The following IPO9 variants were observed in gnomAD, a reference collection of about 807,000 sequenced individuals.
The protein encoded by IPO9 is importin-9.
In IPO9, 28 loss-of-function variants were observed where a neutral mutation model predicts 128.6. That is an observed-to-expected ratio of 0.22 (90% confidence interval 0.16 to 0.30). IPO9 has a LOEUF of 0.30. Among genes scored for constraint, IPO9 ranks in the 10% least tolerant of loss-of-function variants. The pLI is 1.00. For missense variants in IPO9, 935 were observed against 1,293.9 expected (o/e 0.72, Z 4.26); for synonymous variants, 455 against 475.8 (o/e 0.96, Z 0.57).
At chr1:201,858,057 G>A (rs576662588) in intron 11 of IPO9, among the ~76,000 whole-genome samples, 2 of 152,290 alleles carry the variant, frequency 1.3e-5, no homozygotes, top group African/African-American at 4.8e-5. Flanking sequence ...TTATCATTTA[G>A]TATTTCTAAG....
rs1470302978 is a variant in IPO9 at position 201,858,886 on chromosome 1, C to T, written c.1360C>T (p.Leu454=). Reference sequence around the variant, plus strand: ...GATCCATGAGGCATGCATGCTTGCCCTAGGCTCAGTGAAGGCCATCATCAC... The same window carrying T: ...GATCCATGAGGCATGCATGCTTGCCTTAGGCTCAGTGAAGGCCATCATCAC... ...WKIHEACMLA[L]GSVKAIITDS... is the part of the protein sequence containing the mutation. The change falls in exon 13 of 24, where the codon CTA becomes TTA. Residue 454 remains leucine, a synonymous_variant. Coordinates refer to ENST00000361565, the MANE Select transcript of IPO9 (RefSeq NM_018085.5). 2.5e-6 allele frequency: 4 copies of T among 1,610,328 alleles called. No homozygotes were observed. Among genetic ancestry groups the T allele is most frequent in the Non-Finnish European group, 1.7e-6 (2 of 1,177,224 alleles).
At chr1:201,853,205 T>C in intron 6 of IPO9, 108 bp downstream of exon 6, 1 of 818,300 alleles carries the variant, frequency 1.2e-6, no homozygotes, top group Admixed American at 2.0e-5. Context: ...CTAACCAGTA[T>C]TAGAGATAGA....
chr1:201,857,087 T>A lies in IPO9; in HGVS notation c.1123-9T>A. ...GCAGCATCACAAAGACATAACTTGA[T>A]CTTTTCAGATTAAAGTATGGACAGC... On this transcript the variant is annotated splice_polypyrimidine_tract_variant and intron_variant, in intron 10 of 23. Coordinates refer to ENST00000361565, the MANE Select transcript of IPO9 (RefSeq NM_018085.5). 1 of 1,532,406 alleles carries A rather than the reference T, an allele frequency of 6.5e-7. No individual in the cohort carries two copies. The highest frequency in any genetic ancestry group is 9.0e-7 in the Non-Finnish European group (1 of 1,105,476). 94.9% of individuals were successfully genotyped at this position (1,532,406 alleles called of 1,614,324 possible).
intron 1 of IPO9, among the ~76,000 whole-genome samples, chr1:201,831,889 TTG>T (rs1679840179): frequency 1.6e-5 from 2 of 124,436 alleles, no homozygotes; most frequent in African/African-American, 7.1e-5. Context: ...TTTGCTTTTG[TTG>T]TTGTTGTTGT....
Position 201,882,624 on chromosome 1 carries a change from T to C in IPO9, c.*6570T>C, listed in dbSNP as rs1680910246. On this transcript the variant is annotated 3_prime_UTR_variant, in exon 24 of 24. Coordinates refer to ENST00000361565, the MANE Select transcript of IPO9 (RefSeq NM_018085.5). ...GTATACTAGGGTTTTTAAACCTGTG[T>C]AGAATACATGATATGGTAGCAAATG... is the stretch of plus-strand genomic sequence containing the variant. The C allele has an allele frequency of 6.6e-6, 1 of 152,130 alleles. No homozygotes were observed. Among genetic ancestry groups the C allele is most frequent in the African/African-American group, 2.4e-5 (1 of 41,408 alleles). 9.4% of individuals were successfully genotyped at this position (152,130 alleles called of 1,614,324 possible). A position where few individuals can be genotyped will look rare whatever the true frequency, so the allele number is the denominator to read the frequency against.
At position 201,883,988 on chromosome 1, in the gene IPO9, G is replaced by T. The variant is rs909401717; in HGVS notation, c.*7934G>T. 6.6e-6 allele frequency: 1 copy of T among 152,254 alleles called. No homozygotes were observed. Among genetic ancestry groups the T allele is most frequent in the African/African-American group, 2.4e-5 (1 of 41,456 alleles). 9.4% of individuals were successfully genotyped at this position (152,254 alleles called of 1,614,324 possible). A position where few individuals can be genotyped will look rare whatever the true frequency, so the allele number is the denominator to read the frequency against. ...AGTTCTAACTTGGGGATTCTAGTGGGTTGAACCGAACGGTAGTCCGTTTCC... is the reference window on the plus strand; with the variant it reads ...AGTTCTAACTTGGGGATTCTAGTGGTTTGAACCGAACGGTAGTCCGTTTCC... On this transcript the variant is annotated 3_prime_UTR_variant, in exon 24 of 24. Transcript: ENST00000361565.
rs562121762 is a variant in IPO9, at chr1:201,848,687, A to C, written c.514+93A>C. On this transcript the variant is annotated intron_variant, in intron 4 of 23. Coordinates refer to ENST00000361565, the MANE Select transcript of IPO9 (RefSeq NM_018085.5). ...ATGTGATATAATGGCCTGGACCAGT[A>C]GGAATTGCTGCTGATGTTATTCCTC... 2.1e-5 allele frequency: 26 copies of C among 1,214,552 alleles called. No individual in the cohort carries two copies. The African/African-American group carries it at 3.4e-4, about 16-fold the overall frequency. 75.2% of individuals were successfully genotyped at this position (1,214,552 alleles called of 1,614,324 possible).
intron 1 of IPO9, among the ~76,000 whole-genome samples, chr1:201,837,001 G>A (rs1679954043): frequency 6.6e-6 from 1 of 152,148 alleles, no homozygotes; most frequent in Admixed American, 6.5e-5. Context: ...CTTTAATGCT[G>A]CTTCTTTCAT....
intron 10 of IPO9, 26 bp from the exon 11 acceptor site, chr1:201,857,070 A>G (rs1558220646): frequency 7.3e-7 from 1 of 1,368,666 alleles, no homozygotes; most frequent in Non-Finnish European, 1.0e-6. Context: ...TGGCAGCATC[A>G]CAAAGACATA....
rs1405792394 is a variant in IPO9, at chr1:201,877,203, G to A, written c.*1149G>A. 2 of 152,302 alleles carry A rather than the reference G, an allele frequency of 1.3e-5. No homozygotes were observed. Among genetic ancestry groups the A allele is most frequent in the East Asian group, 1.9e-4 (1 of 5,186 alleles). 9.4% of individuals were successfully genotyped at this position (152,302 alleles called of 1,614,324 possible). ...GGGTTCAAAGAGTAAATGAGGATTA[G>A]AAAATCATGGAGAGAGGCTGGGCGC... On this transcript the variant is annotated 3_prime_UTR_variant, in exon 24 of 24. Coordinates refer to ENST00000361565, the MANE Select transcript of IPO9 (RefSeq NM_018085.5).
chr1:201,844,209 A>G (rs1394334039), intron 1 of IPO9, among the ~76,000 whole-genome samples: 1 of 152,214 alleles, frequency 6.6e-6, no homozygotes, highest in Non-Finnish European at 1.5e-5. Context: ...GATCAAGGTT[A>G]CCATAACCAG....
At chr1:201,873,336 T>C (rs904902300) in intron 20 of IPO9, among the ~76,000 whole-genome samples, 1 of 150,420 alleles carries the variant, frequency 6.6e-6, no homozygotes, top group African/African-American at 2.5e-5. Flanking sequence ...TCCCAGCTAC[T>C]TGGGAGGCTG....
chr1:201,853,221 C>G, intron 6 of IPO9, 124 bp downstream of exon 6: 1 of 756,952 alleles, frequency 1.3e-6, no homozygotes, highest in Non-Finnish European at 2.3e-6. Context: ...ATAGATTTAA[C>G]ATTTTTATTA....
At chr1:201,854,455 C>A in intron 6 of IPO9, 140 bp from the exon 7 acceptor site, 1 of 1,041,490 alleles carries the variant, frequency 9.6e-7, no homozygotes, top group Non-Finnish European at 1.4e-6. Context: ...CCTTCATTGA[C>A]TTTATAGCTA....
rs575453865 is a variant in IPO9, at chr1:201,871,677, G to A, written c.2576+350G>A. On this transcript the variant is annotated intron_variant, in intron 19 of 23. Transcript: ENST00000361565. Reference sequence around the variant, plus strand: ...CACAGTGCTGGGATTACAGGTGTGAGCCACTGCTCCTGACACATATTTCTT... The same window carrying A: ...CACAGTGCTGGGATTACAGGTGTGAACCACTGCTCCTGACACATATTTCTT... Among the ~76,000 whole-genome samples the A allele has an allele frequency of 2.0e-5, 3 of 152,188 alleles. No homozygotes were observed. In the South Asian group the frequency reaches 6.2e-4, roughly 32 times the overall value.
At chr1:201,831,595 A>T (rs534758771) in intron 1 of IPO9, among the ~76,000 whole-genome samples, 29 of 152,262 alleles carry the variant, frequency 1.9e-4, no homozygotes, top group Admixed American at 1.2e-3. Context: ...TTAACAAGTT[A>T]TCTTTGACAT....
At chr1:201,846,985 A>G (rs1235239571) in intron 1 of IPO9, among the ~76,000 whole-genome samples, 1 of 152,168 alleles carries the variant, frequency 6.6e-6, no homozygotes, top group East Asian at 1.9e-4. Context: ...TTCAATTACC[A>G]CATTAATTGG....
At position 201,880,806 on chromosome 1, in the gene IPO9, G is replaced by A. The variant is rs1349829986; in HGVS notation, c.*4752G>A. 1 of 152,098 alleles carries A rather than the reference G, an allele frequency of 6.6e-6. No homozygotes were observed. Among genetic ancestry groups the A allele is most frequent in the East Asian group, 1.9e-4 (1 of 5,190 alleles). The allele number at this position is 152,098 out of a possible 1,614,324, so 9.4% of individuals were successfully genotyped here. On this transcript the variant is annotated 3_prime_UTR_variant, in exon 24 of 24. Transcript: ENST00000361565. ...GATTGTGCAAAAGCTATACACATTC[G>A]GTAGAAACAGTACTTCAAGTATCCA...
intron 13 of IPO9, 137 bp from the exon 14 acceptor site, chr1:201,863,311 C>G (rs943189399): frequency 1.3e-6 from 1 of 775,864 alleles, no homozygotes; most frequent in Admixed American, 2.4e-5. Context: ...GAGATCACGC[C>G]ATCGCACTCC....
Sources: allele counts gnomAD v4.1 joint callset (sites outside exome capture counted in the v4.1 genomes callset), GRCh38; gene constraint gnomAD v4.1.1; transcripts MANE v1.5; gene names NCBI Gene and HGNC (gene_info 2026-07-23, HGNC 2026-07-21).